Variants in MPHOSPH9 observed in about 807,000 individuals in gnomAD.
MPHOSPH9 encodes M-phase phosphoprotein 9.
In MPHOSPH9, 88 loss-of-function variants were observed where a neutral mutation model predicts 145.5. The ratio of observed to expected loss-of-function variants is 0.60; its 90% CI spans 0.51 to 0.72. The LOEUF (loss-of-function observed/expected upper bound fraction) is 0.72. MPHOSPH9 is among the 30% of genes least tolerant of loss of function. The pLI is 0.00. For synonymous variants in MPHOSPH9, 435 were observed against 486.2 expected (o/e 0.89, Z 1.39); for missense variants, 1,238 against 1,386.6 (o/e 0.89, Z 1.70).
At chr12:123,211,237 G>A (rs1375300357) in intron 7 of MPHOSPH9, among the ~76,000 whole-genome samples, 2 of 151,888 alleles carry the variant, frequency 1.3e-5, no homozygotes, top group Middle Eastern at 3.2e-3. Flanking sequence ...TGCCTGCCTC[G>A]GCCTCCCAAA....
At chr12:123,158,825 T>C (rs572868474) in intron 23 of MPHOSPH9, among the ~76,000 whole-genome samples, 10 of 152,306 alleles carry the variant, frequency 6.6e-5, no homozygotes, top group African/African-American at 2.4e-4. Context: ...GAGACAGGGT[T>C]TCACCACATC....
At chr12:123,218,612 A>C in intron 5 of MPHOSPH9, 113 bp from the exon 6 acceptor site, 1 of 963,018 alleles carries the variant, frequency 1.0e-6, no homozygotes, top group Non-Finnish European at 1.5e-6. Context: ...TGCAACCTCC[A>C]TCTCCTAGGT....
chr12:123,233,834 G>T, upstream of MPHOSPH9: 1 of 153,146 alleles, frequency 6.5e-6, no homozygotes, highest in Non-Finnish European at 1.5e-5. Context: ...GAGGCCCAAG[G>T]CGAAACGGAA....
intron 13 of MPHOSPH9, among the ~76,000 whole-genome samples, chr12:123,191,297 G>C (rs944772262): frequency 1.1e-4 from 16 of 151,914 alleles, no homozygotes; most frequent in Non-Finnish European, 2.2e-4. Flanking sequence ...CTCCAGCCTG[G>C]GCAACAAGAA....
rs543527287 is a variant in MPHOSPH9 at position 123,221,609 on chromosome 12, G to C, written c.635C>G (p.Ser212Cys). 1.9e-6 allele frequency: 3 copies of C among 1,614,166 alleles called. No individual in the cohort carries two copies. The South Asian group carries it at 3.3e-5, about 18-fold the overall frequency. Residue 212 changes from serine (S) to cysteine (C), a missense_variant, in exon 5 of 24, where the codon TCT becomes TGT. Coordinates refer to ENST00000606320, the MANE Select transcript of MPHOSPH9 (RefSeq NM_022782.4). ...FCISELNLYK[S>C]KDPKEFMEHI... ...CTCCATGAACTCCTTAGGGTCTTTAGATTTGTACAGATTTAATTCTGAGAT... is the reference window on the plus strand; with the variant it reads ...CTCCATGAACTCCTTAGGGTCTTTACATTTGTACAGATTTAATTCTGAGAT...
At chr12:123,204,955 G>C (rs866859225) in intron 8 of MPHOSPH9, among the ~76,000 whole-genome samples, 1 of 152,158 alleles carries the variant, frequency 6.6e-6, no homozygotes, top group Non-Finnish European at 1.5e-5. Flanking sequence ...ATGTTGCAGA[G>C]AGGTCTAGGC....
intron 13 of MPHOSPH9, among the ~76,000 whole-genome samples, chr12:123,182,262 T>TTTTTTTTTTTTTTTTTC (rs1565918874): frequency 9.1e-6 from 1 of 110,366 alleles, no homozygotes; most frequent in Non-Finnish European, 1.8e-5. Flanking sequence ...TTTTTTTTTG[T>TTTTTTTTTTTTTTTTTC]TTTTTTTTTT....
Position 123,165,492 on chromosome 12 carries a change from T to G in MPHOSPH9, c.2592-15A>C, listed in dbSNP as rs2044277521. 6.2e-7 allele frequency: 1 copy of G among 1,609,914 alleles called. No homozygotes were observed. The highest frequency in any genetic ancestry group is 1.3e-5 in the African/African-American group (1 of 74,730). On this transcript the variant is annotated splice_polypyrimidine_tract_variant and intron_variant, in intron 17 of 23. Transcript: ENST00000606320. ...GTGAACGGTGCCTTAAACAATAATT[T>G]TAAGACATACAGTGCTATGGACTAA...
intron 13 of MPHOSPH9, among the ~76,000 whole-genome samples, chr12:123,187,671 T>A (rs530777942): frequency 2.2e-4 from 33 of 152,186 alleles, no homozygotes; most frequent in African/African-American, 7.0e-4. Flanking sequence ...ATGGAACAGC[T>A]CAGAGCCTCA....
intron 8 of MPHOSPH9, among the ~76,000 whole-genome samples, chr12:123,209,418 T>C (rs1363071087): frequency 6.6e-6 from 1 of 152,130 alleles, no homozygotes; most frequent in East Asian, 1.9e-4. Context: ...AGTTTTTTTT[T>C]TCTTTGAGAT....
chr12:123,175,473 G>A (rs1261625103), intron 16 of MPHOSPH9, among the ~76,000 whole-genome samples: 5 of 151,978 alleles, frequency 3.3e-5, no homozygotes, highest in Admixed American at 1.3e-4. Context: ...TCTTGATCAC[G>A]GCTTAGAAAG....
In MPHOSPH9 at chr12:123,175,773, CTCTTT is replaced by C. The variant is rs2044831036; in HGVS notation, c.2456+910_2456+914del. On this transcript the variant is annotated intron_variant, in intron 16 of 23. Transcript: ENST00000606320. ...TCCCTGGTCCCCAACCCGAAGCTCT[CTCTTT>C]TATCTCTCTCAAATGTTCAATTTGT... Among the ~76,000 whole-genome samples, 5 of 147,610 alleles carry C rather than the reference CTCTTT, an allele frequency of 3.4e-5. No homozygotes were observed. In the South Asian group the frequency reaches 1.1e-3, roughly 32 times the overall value.
chr12:123,156,963 T>C, intron 23 of MPHOSPH9, 55 bp from the exon 24 acceptor site: 2 of 1,367,116 alleles, frequency 1.5e-6, no homozygotes, highest in Non-Finnish European at 2.1e-6. Flanking sequence ...AGTTCTATAA[T>C]CACCACCAAA....
Position 123,176,762 on chromosome 12 carries a change from G to T in MPHOSPH9, c.2382C>A (p.Val794=). ...ACATATTTTCATGTTCTACTTGCTT[G>T]ACCTGAGCTTCAAGTTTTGAAATCA... ...KRMISKLEAQ[V]KQVEHENMLS... The change falls in exon 16 of 24, where the codon GTC becomes GTA. Residue 794 remains valine, a synonymous_variant. Transcript: ENST00000606320. 1 of 1,613,546 alleles carries T rather than the reference G, an allele frequency of 6.2e-7. No individual in the cohort carries two copies. The highest frequency in any genetic ancestry group is 1.1e-5 in the South Asian group (1 of 91,040).
intron 5 of MPHOSPH9, among the ~76,000 whole-genome samples, chr12:123,220,421 G>A (rs937596843): frequency 2.0e-5 from 3 of 151,218 alleles, no homozygotes; most frequent in East Asian, 3.9e-4. Flanking sequence ...AAAATTAGCC[G>A]GGTGTGGTGG....
At chr12:123,194,670 G>A in intron 12 of MPHOSPH9, 69 bp from the exon 13 acceptor site, 1 of 1,130,442 alleles carries the variant, frequency 8.8e-7, no homozygotes, top group Non-Finnish European at 1.2e-6. Context: ...TGCCCAAGCT[G>A]GAGTACAATG....
Position 123,162,977 on chromosome 12 carries a change from T to C in MPHOSPH9, c.3029+37A>G, listed in dbSNP as rs527527426. ...TCAACATTTAGAAAAAAATCACTAA[T>C]ATAGTAAACTTTATTCTACAATTTT... On this transcript the variant is annotated intron_variant, in intron 20 of 23. Transcript: ENST00000606320. The C allele has an allele frequency of 5.3e-6, 8 of 1,514,280 alleles. No individual in the cohort carries two copies. In the East Asian group the frequency reaches 1.5e-4, roughly 28 times the overall value. 93.8% of individuals were successfully genotyped at this position (1,514,280 alleles called of 1,614,324 possible).
rs541467408 is a variant in MPHOSPH9 at position 123,178,611 on chromosome 12, T to C, written c.2354+1315A>G. On this transcript the variant is annotated intron_variant, in intron 15 of 23. Transcript: ENST00000606320. ...TGATCTTGGCTCACTGCAACCTCCGTCTCCAGAGTTCAAGCGATTCTCCTG... is the reference window on the plus strand; with the variant it reads ...TGATCTTGGCTCACTGCAACCTCCGCCTCCAGAGTTCAAGCGATTCTCCTG... Among the ~76,000 whole-genome samples the C allele has an allele frequency of 2.2e-3, 339 of 152,204 alleles. 1 individual carries two copies. The highest frequency in any genetic ancestry group is 4.0e-3 in the Non-Finnish European group (274 of 68,002).
Position 123,221,895 on chromosome 12 carries a change from GC to G in MPHOSPH9, c.349-1del. 6 of 1,498,920 alleles carry G rather than the reference GC, an allele frequency of 4.0e-6. No individual in the cohort carries two copies. The highest frequency in any genetic ancestry group is 5.4e-6 in the Non-Finnish European group (6 of 1,117,812). The allele number at this position is 1,498,920 out of a possible 1,614,324, so 92.9% of individuals were successfully genotyped here. A position where few individuals can be genotyped will look rare whatever the true frequency, so the allele number is the denominator to read the frequency against. On this transcript the variant is annotated splice_acceptor_variant, in intron 4 of 23. Transcript: ENST00000606320. LOFTEE classifies it high-confidence loss of function. ...AAATTTTTTATCTCCTCCTGTATAT[GC>G]TGGAAATAAAAAGTTATAGATTTGG...
Sources: gnomAD v4.1 joint callset for allele counts (sites outside exome capture counted in the v4.1 genomes callset) on GRCh38, gnomAD v4.1.1 for gene constraint, MANE v1.5 for transcripts, NCBI Gene and HGNC (gene_info 2026-07-23, HGNC 2026-07-21) for gene names.